The following SEMA3A variants were observed in gnomAD, a reference collection of about 807,000 sequenced individuals.
SEMA3A encodes semaphorin 3A.
Under a neutral mutation model 97.9 loss-of-function variants are expected in SEMA3A, and 29 were observed. The observed-to-expected ratio is 0.30, with a 90% CI of 0.22 to 0.40. The LOEUF is 0.40. Among genes scored for constraint, SEMA3A ranks in the 10% least tolerant of loss-of-function variants. The pLI is 1.00. For synonymous variants in SEMA3A, 321 were observed against 323.7 expected, an observed-to-expected ratio of 0.99 and a Z score of 0.09; for missense variants, 763 against 951.3, an observed-to-expected ratio of 0.80 and a Z score of 2.60.
chr7:84,088,141 A>C (rs896514779), intron 4 of SEMA3A, among the ~76,000 whole-genome samples: 1 of 152,178 alleles, frequency 6.6e-6, no homozygotes, highest in Non-Finnish European at 1.5e-5. Context: ...TCATCACAAA[A>C]TAGAACAAAA....
intron 5 of SEMA3A, among the ~76,000 whole-genome samples, chr7:84,050,002 A>G (rs1272818618): frequency 6.6e-6 from 1 of 150,672 alleles, no homozygotes; most frequent in Non-Finnish European, 1.5e-5. Flanking sequence ...ACTGAGAATG[A>G]TGTTTTCCAG....
chr7:83,990,305 A>G (rs1353243932), intron 12 of SEMA3A, among the ~76,000 whole-genome samples: 2 of 152,176 alleles, frequency 1.3e-5, no homozygotes, highest in Non-Finnish European at 2.9e-5. Flanking sequence ...TATGCTGTGC[A>G]GAAGCTCTTT....
intron 2 of SEMA3A, among the ~76,000 whole-genome samples, chr7:84,364,456 T>C (rs2116077212): frequency 6.6e-6 from 1 of 151,940 alleles, no homozygotes; most frequent in South Asian, 2.1e-4. Context: ...CCTTTTGGAT[T>C]ACAGCTGTAT....
intron 12 of SEMA3A, among the ~76,000 whole-genome samples, chr7:83,992,646 T>A (rs1453512226): frequency 6.6e-6 from 1 of 151,814 alleles, no homozygotes; most frequent in East Asian, 2.0e-4. Flanking sequence ...AGATTCTTAA[T>A]CCTGAGTTCT....
chr7:84,065,598 A>T (rs1417339274), intron 4 of SEMA3A, among the ~76,000 whole-genome samples: 1 of 150,436 alleles, frequency 6.6e-6, no homozygotes, highest in African/African-American at 2.5e-5. Flanking sequence ...ATCACCACTG[A>T]TCCCACAGAA....
chr7:84,423,897 C>T (rs1437583132), intron 1 of SEMA3A, among the ~76,000 whole-genome samples: 3 of 151,774 alleles, frequency 2.0e-5, no homozygotes, highest in African/African-American at 7.3e-5. Context: ...AAAAAATATT[C>T]AACATCACTA....
intron 3 of SEMA3A, among the ~76,000 whole-genome samples, chr7:84,209,000 C>G (rs961042413): frequency 2.6e-5 from 4 of 152,148 alleles, no homozygotes; most frequent in Non-Finnish European, 4.4e-5. Context: ...GACTAGTGGC[C>G]TATTTACACC....
At chr7:84,091,900 A>T (rs1295805789) in intron 4 of SEMA3A, among the ~76,000 whole-genome samples, 1 of 152,162 alleles carries the variant, frequency 6.6e-6, no homozygotes, top group Non-Finnish European at 1.5e-5. Context: ...TGAACAAATG[A>T]AATTCCATAA....
chr7:84,469,872 C>T (rs778072727), intron 1 of SEMA3A, among the ~76,000 whole-genome samples: 1 of 151,430 alleles, frequency 6.6e-6, no homozygotes, highest in Non-Finnish European at 1.5e-5. Flanking sequence ...ACTTTAGTTC[C>T]AAATCATGTT....
intron 1 of SEMA3A, among the ~76,000 whole-genome samples, chr7:84,468,602 C>A (rs556723101): frequency 4.3e-4 from 65 of 152,158 alleles, no homozygotes; most frequent in Non-Finnish European, 9.0e-4. Context: ...ACTTTTACCA[C>A]GAGTCCTCTT....
At chr7:84,363,383 A>G (rs1802770073) in intron 2 of SEMA3A, among the ~76,000 whole-genome samples, 1 of 151,898 alleles carries the variant, frequency 6.6e-6, no homozygotes, top group Non-Finnish European at 1.5e-5. Flanking sequence ...ATTCGAAAAT[A>G]TATACCCAGG....
chr7:84,329,765 G>T (rs1801868414), intron 2 of SEMA3A, among the ~76,000 whole-genome samples: 1 of 151,964 alleles, frequency 6.6e-6, no homozygotes, highest in African/African-American at 2.4e-5. Context: ...TAAACATTTA[G>T]TGCAAAATAA....
At chr7:84,432,579 A>G (rs1485137249) in intron 1 of SEMA3A, among the ~76,000 whole-genome samples, 3 of 152,064 alleles carry the variant, frequency 2.0e-5, no homozygotes, top group Middle Eastern at 3.2e-3. Flanking sequence ...TATCATTGCC[A>G]TCTTTATTTC....
chr7:84,052,763 T>A (rs1792742382), intron 5 of SEMA3A, among the ~76,000 whole-genome samples: 1 of 150,384 alleles, frequency 6.6e-6, no homozygotes, highest in African/African-American at 2.4e-5. Flanking sequence ...AGCTTTTGAA[T>A]GTGTTTGCTC....
At chr7:84,309,602 A>C (rs887056158) in intron 2 of SEMA3A, among the ~76,000 whole-genome samples, 3 of 152,076 alleles carry the variant, frequency 2.0e-5, no homozygotes, top group Non-Finnish European at 4.4e-5. Flanking sequence ...CTTGACCCTA[A>C]TCAGCATTGG....
intron 2 of SEMA3A, among the ~76,000 whole-genome samples, chr7:84,314,472 C>A (rs1435606850): frequency 6.6e-6 from 1 of 152,118 alleles, no homozygotes; most frequent in African/African-American, 2.4e-5. Flanking sequence ...CATTGTTCTG[C>A]TCTTGCTCTT....
At chr7:84,488,495 T>G (rs1806641818) in intron 1 of SEMA3A, among the ~76,000 whole-genome samples, 1 of 152,056 alleles carries the variant, frequency 6.6e-6, no homozygotes, top group African/African-American at 2.4e-5. Context: ...TTTTCACTGC[T>G]TTGCAGGCGG....
At chr7:84,256,700 T>G (rs1048398000) in intron 3 of SEMA3A, among the ~76,000 whole-genome samples, 1 of 152,066 alleles carries the variant, frequency 6.6e-6, no homozygotes, top group Admixed American at 6.6e-5. Context: ...TCTGGTAACT[T>G]TATCCCCTTT....
intron 5 of SEMA3A, among the ~76,000 whole-genome samples, chr7:84,049,003 CA>C (rs1792477526): frequency 6.6e-6 from 1 of 151,956 alleles, no homozygotes; most frequent in African/African-American, 2.4e-5. Flanking sequence ...AAAATCAATG[CA>C]AATTAATGTA....
Sources: allele counts gnomAD v4.1 joint callset (sites outside exome capture counted in the v4.1 genomes callset), GRCh38; gene constraint gnomAD v4.1.1; transcripts MANE v1.5; gene names NCBI Gene and HGNC (gene_info 2026-07-23, HGNC 2026-07-21).